Variants in SLC25A4 observed in about 807,000 individuals in gnomAD.
SLC25A4 encodes solute carrier family 25 member 4, also known as ADP/ATP translocase 1.
A neutral mutation model predicts 24.7 loss-of-function variants in SLC25A4; 10 were observed. The ratio of observed to expected loss-of-function variants is 0.41; its 90% confidence interval spans 0.25 to 0.69. SLC25A4 has a LOEUF of 0.69. Among genes scored for constraint, SLC25A4 ranks in the 30% least tolerant of loss-of-function variants. The probability of loss-of-function intolerance (pLI) is 0.35; values close to 1 mark genes in which losing one functional copy is unlikely to be tolerated. For synonymous variants in SLC25A4, 125 were observed against 153.3 expected, an observed-to-expected ratio of 0.82 and a Z score of 1.36; for missense variants, 273 against 387.6, an observed-to-expected ratio of 0.70 and a Z score of 2.48.
rs1299510356 is a variant in SLC25A4, at chr4:185,149,483, C to T, written c.*2512C>T. On this transcript the variant is annotated 3_prime_UTR_variant, in exon 4 of 4. Transcript: ENST00000281456. ...CTAATGCACGTTGCCCCAGGCCCTG[C>T]TGAGCTAGTTCCTCACCGCAGCTAC... The T allele has an allele frequency of 6.6e-6, 1 of 152,312 alleles. No individual in the cohort carries two copies. The highest frequency in any genetic ancestry group is 2.4e-5 in the African/African-American group (1 of 41,458). 9.4% of individuals were successfully genotyped at this position (152,312 alleles called of 1,614,324 possible). A position where few individuals can be genotyped will look rare whatever the true frequency, so the allele number is the denominator to read the frequency against.
chr4:185,145,334 T>C lies in SLC25A4; in HGVS notation c.598+84T>C, dbSNP rs184285518. The C allele has an allele frequency of 2.5e-5, 40 of 1,596,670 alleles. No individual in the cohort carries two copies. The highest frequency in any genetic ancestry group is 3.3e-5 in the Non-Finnish European group (39 of 1,173,620). Reference sequence around the variant, plus strand: ...TATAACTCACAAAGGACCTGATATATATTGATCTTGTTTTTTCTAGTCTCT... The same window carrying C: ...TATAACTCACAAAGGACCTGATATACATTGATCTTGTTTTTTCTAGTCTCT... On this transcript the variant is annotated intron_variant, in intron 2 of 3. Coordinates refer to ENST00000281456, the MANE Select transcript of SLC25A4 (RefSeq NM_001151.4). The surrounding 1 kb of genome is among the most constrained non-coding windows in gnomAD (Gnocchi z 5.5).
At chr4:185,143,534 G>A in intron 1 of SLC25A4, 51 bp downstream of exon 1, 3 of 821,936 alleles carry the variant, frequency 3.6e-6, no homozygotes, top group South Asian at 5.6e-5. Context: ...GGGCCGGGCG[G>A]GGCGCGCGAT....
chr4:185,144,745 C>T lies in SLC25A4; in HGVS notation c.112-19C>T, dbSNP rs759868483. 1 of 1,613,322 alleles carries T rather than the reference C, an allele frequency of 6.2e-7. No homozygotes were observed. Among genetic ancestry groups the T allele is most frequent in the South Asian group, 1.1e-5 (1 of 91,040 alleles). ...CTCTACCCTGCCTGTCCTCTGTCACCCACCCTCCCCTCCACCAGGTCCAGC... is the reference window on the plus strand; with the variant it reads ...CTCTACCCTGCCTGTCCTCTGTCACTCACCCTCCCCTCCACCAGGTCCAGC... On this transcript the variant is annotated intron_variant, in intron 1 of 3. Transcript: ENST00000281456.
rs1303982263 is a variant in SLC25A4, at chr4:185,147,039, G to C, written c.*68G>C. On this transcript the variant is annotated 3_prime_UTR_variant, in exon 4 of 4. Transcript: ENST00000281456. ...CTACAAGTTCACAGATCCATTGTGTGGTTTAATAGACTATTCCTAGGGGAA... is the reference window on the plus strand; with the variant it reads ...CTACAAGTTCACAGATCCATTGTGTCGTTTAATAGACTATTCCTAGGGGAA... The C allele has an allele frequency of 4.0e-5, 57 of 1,435,588 alleles. 2 individuals are homozygous for C. The South Asian group carries it at 6.4e-4, about 16-fold the overall frequency. The allele number at this position is 1,435,588 out of a possible 1,614,324, so 88.9% of individuals were successfully genotyped here. A position where few individuals can be genotyped will look rare whatever the true frequency, so the allele number is the denominator to read the frequency against.
In SLC25A4 at chr4:185,145,289, A is replaced by G. The variant is rs946283715; in HGVS notation, c.598+39A>G. 1 of 1,612,828 alleles carries G rather than the reference A, an allele frequency of 6.2e-7. No homozygotes were observed. The highest frequency in any genetic ancestry group is 1.3e-5 in the African/African-American group (1 of 74,920). Reference sequence around the variant, plus strand: ...ATCGGGGAGAAGGAGGGTGGTGTGGAAAGAGGATCCTATGGGATCTATAAC... The same window carrying G: ...ATCGGGGAGAAGGAGGGTGGTGTGGGAAGAGGATCCTATGGGATCTATAAC... On this transcript the variant is annotated intron_variant, in intron 2 of 3. Coordinates refer to ENST00000281456, the MANE Select transcript of SLC25A4 (RefSeq NM_001151.4). The surrounding 1 kb of genome is among the most constrained non-coding windows in gnomAD (Gnocchi z 5.5).
In SLC25A4 at chr4:185,149,476, G is replaced by A. The variant is rs1734500185; in HGVS notation, c.*2505G>A. 6.6e-6 allele frequency: 1 copy of A among 152,286 alleles called. No individual in the cohort carries two copies. Among genetic ancestry groups the A allele is most frequent in the Non-Finnish European group, 1.5e-5 (1 of 68,130 alleles). 9.4% of individuals were successfully genotyped at this position (152,286 alleles called of 1,614,324 possible). On this transcript the variant is annotated 3_prime_UTR_variant, in exon 4 of 4. Transcript: ENST00000281456. The stretch of plus-strand genomic sequence containing the variant: ...GTTACCTCTAATGCACGTTGCCCCA[G>A]GCCCTGCTGAGCTAGTTCCTCACCG...
In SLC25A4 at chr4:185,148,867, TGGG is replaced by T. The variant is rs1410394636; in HGVS notation, c.*1899_*1901del. The T allele has an allele frequency of 6.6e-6, 1 of 152,350 alleles. No individual in the cohort carries two copies. Among genetic ancestry groups the T allele is most frequent in the African/African-American group, 2.4e-5 (1 of 41,444 alleles). The allele number at this position is 152,350 out of a possible 1,614,324, so 9.4% of individuals were successfully genotyped here. A position where few individuals can be genotyped will look rare whatever the true frequency, so the allele number is the denominator to read the frequency against. On this transcript the variant is annotated 3_prime_UTR_variant, in exon 4 of 4. Transcript: ENST00000281456. ...TGTTTTCTGACAGGTGGTTGGGTGG[TGGG>T]GGTTGGTCTCTGTACCTCCTGTTCT...
chr4:185,144,815 A>T lies in SLC25A4; in HGVS notation c.163A>T (p.Ile55Phe). ...ISAEKQYKGI[I>F]DCVVRIPKEQ... ...TGCTGAGAAGCAGTACAAAGGGATCATTGATTGTGTGGTGAGAATCCCTAA... is the reference window on the plus strand; with the variant it reads ...TGCTGAGAAGCAGTACAAAGGGATCTTTGATTGTGTGGTGAGAATCCCTAA... Residue 55 changes from isoleucine (I) to phenylalanine (F), a missense_variant, in exon 2 of 4, where the codon ATT becomes TTT. By Grantham distance (21) the Ile-to-Phe change is conservative (BLOSUM62 0). Transcript: ENST00000281456. The T allele has an allele frequency of 6.2e-7, 1 of 1,614,102 alleles. No homozygotes were observed. The highest frequency in any genetic ancestry group is 8.5e-7 in the Non-Finnish European group (1 of 1,180,024).
Position 185,149,259 on chromosome 4 carries a change from TAGG to T in SLC25A4, c.*2296_*2298del, listed in dbSNP as rs1290813828. ...CGTATCTCCAAGCAGGGCCCAAGTTTAGGAGGAGGAAGACCTGATACAATGAAT... is the reference window on the plus strand; with the variant it reads ...CGTATCTCCAAGCAGGGCCCAAGTTTAGGAGGAAGACCTGATACAATGAAT... On this transcript the variant is annotated 3_prime_UTR_variant, in exon 4 of 4. Transcript: ENST00000281456. 1 of 152,224 alleles carries T rather than the reference TAGG, an allele frequency of 6.6e-6. No homozygotes were observed. The highest frequency in any genetic ancestry group is 6.5e-5 in the Admixed American group (1 of 15,280). 9.4% of individuals were successfully genotyped at this position (152,224 alleles called of 1,614,324 possible).
In SLC25A4 at chr4:185,144,966, G is replaced by C. The variant is rs1289583614; in HGVS notation, c.314G>C (p.Arg105Pro). Residue 105 changes from arginine (R) to proline (P), a missense_variant, in exon 2 of 4, where the codon CGG becomes CCG. Coordinates refer to ENST00000281456, the MANE Select transcript of SLC25A4 (RefSeq NM_001151.4). ...YKQLFLGGVD[R>P]HKQFWRYFAG... ...CAGCTCTTCTTAGGGGGTGTGGATCGGCATAAGCAGTTCTGGCGCTACTTT... is the reference window on the plus strand; with the variant it reads ...CAGCTCTTCTTAGGGGGTGTGGATCCGCATAAGCAGTTCTGGCGCTACTTT... 6.2e-7 allele frequency: 1 copy of C among 1,611,146 alleles called. No individual in the cohort carries two copies. Among genetic ancestry groups the C allele is most frequent in the Non-Finnish European group, 8.5e-7 (1 of 1,178,886 alleles).
In SLC25A4 at chr4:185,144,816, T is replaced by C. The variant is rs779998539; in HGVS notation, c.164T>C (p.Ile55Thr). 7.4e-6 allele frequency: 12 copies of C among 1,614,022 alleles called. No homozygotes were observed. Among genetic ancestry groups the C allele is most frequent in the South Asian group, 1.1e-5 (1 of 91,090 alleles). ...ISAEKQYKGI[I>T]DCVVRIPKEQ... ...GCTGAGAAGCAGTACAAAGGGATCA[T>C]TGATTGTGTGGTGAGAATCCCTAAG... Residue 55 changes from isoleucine to threonine, a missense_variant, in exon 2 of 4, where the codon ATT (isoleucine) becomes ACT (threonine). Ile to Thr is a moderately conservative substitution (Grantham distance 89). Coordinates refer to ENST00000281456, the MANE Select transcript of SLC25A4 (RefSeq NM_001151.4).
chr4:185,143,900 C>T (rs554647245), intron 1 of SLC25A4, among the ~76,000 whole-genome samples: 7 of 152,320 alleles, frequency 4.6e-5, no homozygotes, highest in Admixed American at 1.3e-4. Flanking sequence ...ATTCCCTTAT[C>T]GTATCTCATG....
chr4:185,143,271 C>G lies in SLC25A4; in HGVS notation c.-102C>G, dbSNP rs933731884. 1 of 631,176 alleles carries G rather than the reference C, an allele frequency of 1.6e-6. No individual in the cohort carries two copies. 39.1% of individuals were successfully genotyped at this position (631,176 alleles called of 1,614,324 possible). A position where few individuals can be genotyped will look rare whatever the true frequency, so the allele number is the denominator to read the frequency against. On this transcript the variant is annotated 5_prime_UTR_variant, in exon 1 of 4. Transcript: ENST00000281456. ...GGAGCTGCGGGCCAGGCGGCGGCCC[C>G]CTAGCGTCGCGCAGGGTCGGGGACT...
At position 185,147,078 on chromosome 4, in the gene SLC25A4, G is replaced by A. The variant is rs1734454864; in HGVS notation, c.*107G>A. The stretch of plus-strand genomic sequence containing the variant: ...TTCCTAGGGGAAGTAAAAAGATCTG[G>A]GATAAAACCAGACTGAAAGGAATAC... On this transcript the variant is annotated 3_prime_UTR_variant, in exon 4 of 4. Transcript: ENST00000281456. 3 of 1,032,400 alleles carry A rather than the reference G, an allele frequency of 2.9e-6. No individual in the cohort carries two copies. In the South Asian group the frequency reaches 4.3e-5, roughly 15 times the overall value. 64.0% of individuals were successfully genotyped at this position (1,032,400 alleles called of 1,614,324 possible).
At position 185,145,808 on chromosome 4, in the gene SLC25A4, T is replaced by C. The variant is rs758868244; in HGVS notation, c.648T>C (p.Ile216=). The C allele has an allele frequency of 4.3e-6, 7 of 1,614,224 alleles. No individual in the cohort carries two copies. Among genetic ancestry groups the C allele is most frequent in the Non-Finnish European group, 5.1e-6 (6 of 1,180,042 alleles). The change falls in exon 3 of 4, where the codon ATT becomes ATC. Residue 216 remains isoleucine (I), a synonymous_variant. Coordinates refer to ENST00000281456, the MANE Select transcript of SLC25A4 (RefSeq NM_001151.4). The surrounding 1 kb of genome is among the most constrained non-coding windows in gnomAD (Gnocchi z 5.5). ...KNVHIFVSWM[I]AQSVTAVAGL... is the part of the protein sequence containing the mutation. ...TGCACATTTTTGTGAGCTGGATGAT[T>C]GCCCAGAGTGTGACGGCAGTCGCAG...
rs78882199 is a variant in SLC25A4, at chr4:185,147,452, G to C, written c.*481G>C. ...CTTAAAGTTCCGGTTTTCAAACTTA[G>C]GCAGGTCATATTCTATCTATCTTAT... On this transcript the variant is annotated 3_prime_UTR_variant, in exon 4 of 4. Transcript: ENST00000281456. 6.0e-6 allele frequency: 1 copy of C among 167,142 alleles called. No homozygotes were observed. Among genetic ancestry groups the C allele is most frequent in the African/African-American group, 2.4e-5 (1 of 41,556 alleles). 10.4% of individuals were successfully genotyped at this position (167,142 alleles called of 1,614,324 possible). A position where few individuals can be genotyped will look rare whatever the true frequency, so the allele number is the denominator to read the frequency against.
chr4:185,145,829 C>T lies in SLC25A4; in HGVS notation c.669C>T (p.Val223=). The stretch of plus-strand genomic sequence containing the variant: ...TGATTGCCCAGAGTGTGACGGCAGT[C>T]GCAGGGCTGGTGTCCTACCCCTTTG... ...SWMIAQSVTA[V]AGLVSYPFDT... Residue 223 remains valine, a synonymous_variant, in exon 3 of 4, where the codon GTC becomes GTT. Coordinates refer to ENST00000281456, the MANE Select transcript of SLC25A4 (RefSeq NM_001151.4). The surrounding 1 kb of genome is among the most constrained non-coding windows in gnomAD (Gnocchi z 5.5). The T allele has an allele frequency of 6.2e-7, 1 of 1,614,150 alleles. No individual in the cohort carries two copies.
intron 3 of SLC25A4, among the ~76,000 whole-genome samples, chr4:185,146,402 T>C (rs548347527): frequency 6.6e-6 from 1 of 152,364 alleles, no homozygotes; most frequent in East Asian, 1.9e-4. Context: ...GTTAGCAGTT[T>C]CGTATGTTTC....
chr4:185,147,239 A>T lies in SLC25A4; in HGVS notation c.*268A>T. 2.6e-6 allele frequency: 1 copy of T among 383,550 alleles called. No homozygotes were observed. The highest frequency in any genetic ancestry group is 4.7e-6 in the Non-Finnish European group (1 of 210,644). 23.8% of individuals were successfully genotyped at this position (383,550 alleles called of 1,614,324 possible). ...TTAACTGAAGAATTGATAATAACTG[A>T]ATGTGAAACATCAATAAAGACCACT... On this transcript the variant is annotated 3_prime_UTR_variant, in exon 4 of 4. Transcript: ENST00000281456.
Sources: gnomAD v4.1 joint callset for allele counts (sites outside exome capture counted in the v4.1 genomes callset) on GRCh38, gnomAD v4.1.1 for gene constraint, Gnocchi (gnomAD v3.1) non-coding constraint, MANE v1.5 for transcripts, NCBI Gene and HGNC (gene_info 2026-07-23, HGNC 2026-07-21) for gene names.